RTN3: variants seen among roughly 807,000 people sequenced by gnomAD.
RTN3 encodes reticulon 3.
In RTN3, 49 loss-of-function variants were observed where a neutral mutation model predicts 77.8. The ratio of observed to expected loss-of-function variants is 0.63; its 90% CI spans 0.50 to 0.80. The LOEUF (loss-of-function observed/expected upper bound fraction) is 0.80. Ranked by LOEUF, RTN3 falls within the 30% of genes least tolerant of loss-of-function variation. The pLI is 0.00. For missense variants in RTN3, 1,236 were observed against 1,211.9 expected (o/e 1.02, Z -0.29); for synonymous variants, 464 against 446.9 (o/e 1.04, Z -0.48).
intron 3 of RTN3, among the ~76,000 whole-genome samples, chr11:63,731,542 C>T (rs1016866433): frequency 2.0e-5 from 3 of 152,030 alleles, no homozygotes; most frequent in Non-Finnish European, 2.9e-5. Flanking sequence ...AAGAAGAAAT[C>T]ACAAGAAAAA....
At chr11:63,751,835 T>C (rs994581036) in intron 4 of RTN3, among the ~76,000 whole-genome samples, 7 of 152,092 alleles carry the variant, frequency 4.6e-5, no homozygotes, top group African/African-American at 1.4e-4. Context: ...TTACTAAAAA[T>C]ATGAAAATTA....
chr11:63,701,916 C>T (rs1298881379), intron 1 of RTN3, among the ~76,000 whole-genome samples: 2 of 152,070 alleles, frequency 1.3e-5, no homozygotes, highest in East Asian at 3.8e-4. Context: ...GTGCACTGGG[C>T]AGCAGAGTGA....
In RTN3 at chr11:63,702,039, A is replaced by G. The variant is rs556666341; in HGVS notation, c.143-2812A>G. Among the ~76,000 whole-genome samples, 14 of 152,318 alleles carry G rather than the reference A, an allele frequency of 9.2e-5. No homozygotes were observed. In the South Asian group the frequency reaches 2.7e-3, roughly 29 times the overall value. On this transcript the variant is annotated intron_variant, in intron 1 of 8. Transcript: ENST00000377819. ...AAAGCAGCTTTATATTTGAAACTAA[A>G]TAGTTTTCATGAATTAGTACTTATA...
intron 3 of RTN3, among the ~76,000 whole-genome samples, chr11:63,732,072 AAAAG>A (rs1383137822): frequency 6.6e-6 from 1 of 152,234 alleles, no homozygotes; most frequent in African/African-American, 2.4e-5. Flanking sequence ...GAAAGAAAAA[AAAAG>A]AGCTGAAATC....
intron 3 of RTN3, among the ~76,000 whole-genome samples, chr11:63,738,647 AAAG>A (rs1018786124): frequency 2.6e-5 from 4 of 151,410 alleles, no homozygotes; most frequent in African/African-American, 4.8e-5. Context: ...AAAAAAAAAA[AAAG>A]AAGGTAAAGC....
chr11:63,729,939 G>A (rs1359778502), intron 3 of RTN3, among the ~76,000 whole-genome samples: 2 of 151,514 alleles, frequency 1.3e-5, no homozygotes, highest in Non-Finnish European at 2.9e-5. Flanking sequence ...TATATGCCAC[G>A]ATGCCCAACT....
At chr11:63,704,810 T>G in intron 1 of RTN3, 41 bp from the exon 2 acceptor site, 1 of 1,420,372 alleles carries the variant, frequency 7.0e-7, no homozygotes, top group Non-Finnish European at 9.9e-7. Flanking sequence ...AAAATTCCTG[T>G]GTGAGGTTGT....
intron 3 of RTN3, among the ~76,000 whole-genome samples, chr11:63,723,159 G>A (rs1423656226): frequency 1.3e-5 from 2 of 152,142 alleles, no homozygotes; most frequent in Non-Finnish European, 2.9e-5. Flanking sequence ...AAGGGCTATG[G>A]AAGTTCAGGA....
At chr11:63,705,924 G>C (rs772967059) in intron 2 of RTN3, among the ~76,000 whole-genome samples, 1 of 152,124 alleles carries the variant, frequency 6.6e-6, no homozygotes, top group Admixed American at 6.6e-5. Flanking sequence ...TATTTCATTC[G>C]TGCTGTTTTT....
At chr11:63,681,816 G>A (rs1941067009) in intron 1 of RTN3, 38 bp downstream of exon 1, 1 of 1,500,474 alleles carries the variant, frequency 6.7e-7, no homozygotes, top group Non-Finnish European at 8.8e-7. Context: ...GGGAAAGAGG[G>A]CGAGCGGGAG....
chr11:63,746,976 C>T, intron 3 of RTN3: 1 of 456,092 alleles, frequency 2.2e-6, no homozygotes, highest in Non-Finnish European at 4.4e-6. Flanking sequence ...CTTTGTGCCT[C>T]ATCCTGTCTC....
At chr11:63,701,377 A>G (rs911789925) in intron 1 of RTN3, among the ~76,000 whole-genome samples, 4 of 152,202 alleles carry the variant, frequency 2.6e-5, no homozygotes, top group Admixed American at 2.0e-4. Flanking sequence ...ATTCTAGAAT[A>G]TCTTTTAACA....
In RTN3 at chr11:63,719,130, G is replaced by A; in HGVS notation, c.628G>A (p.Ala210Thr). The change falls in exon 3 of 9, where the codon GCC (alanine) becomes ACC (threonine). Residue 210 changes from alanine (A) to threonine (T), a missense_variant. Transcript: ENST00000377819. ...TGATGACAGATTCACTTTGCTGACA[G>A]CCCAGAAACCACCTACTGAGTACTC... ...DADDRFTLLT[A>T]QKPPTEYSKV... The A allele has an allele frequency of 6.2e-7, 1 of 1,614,156 alleles. No homozygotes were observed. Among genetic ancestry groups the A allele is most frequent in the Non-Finnish European group, 8.5e-7 (1 of 1,180,034 alleles).
In RTN3 at chr11:63,719,780, T is replaced by G. The variant is rs773518351; in HGVS notation, c.1278T>G (p.Asn426Lys). 25 of 1,614,050 alleles carry G rather than the reference T, an allele frequency of 1.5e-5. No homozygotes were observed. Among genetic ancestry groups the G allele is most frequent in the Non-Finnish European group, 2.0e-5 (24 of 1,180,044 alleles). ...GAAAACCTGTACCTGACTCTTTGAA[T>G]TCCACAAAAGAATTCAGTATCAAAG... ...ITGKPVPDSL[N>K]STKEFSIKGV... Residue 426 changes from asparagine to lysine, a missense_variant, in exon 3 of 9, where the codon AAT (asparagine) becomes AAG (lysine). By Grantham distance (94) the Asn-to-Lys change is moderately conservative (BLOSUM62 0). This residue lies in a region of RTN3 where 1,056 missense variants were observed against 990.4 expected (regional missense o/e 1.07). Coordinates refer to ENST00000377819, the MANE Select transcript of RTN3 (RefSeq NM_001265589.2).
intron 2 of RTN3, among the ~76,000 whole-genome samples, chr11:63,710,362 T>TA (rs945662540): frequency 1.3e-5 from 2 of 152,130 alleles, no homozygotes; most frequent in East Asian, 1.9e-4. Flanking sequence ...TTTTTTTTTT[T>TA]ATCATGTTAC....
chr11:63,724,864 G>C (rs996207156), intron 3 of RTN3, among the ~76,000 whole-genome samples: 1 of 151,716 alleles, frequency 6.6e-6, no homozygotes, highest in Non-Finnish European at 1.5e-5. Flanking sequence ...TATGATAGTG[G>C]CAGATATCTC....
intron 2 of RTN3, among the ~76,000 whole-genome samples, chr11:63,707,414 C>T (rs1942549373): frequency 6.6e-6 from 1 of 152,150 alleles, no homozygotes; most frequent in Admixed American, 6.6e-5. Flanking sequence ...TTTTAATAGG[C>T]TTCAGTTTCA....
intron 1 of RTN3, among the ~76,000 whole-genome samples, chr11:63,702,428 C>T (rs892326147): frequency 2.6e-5 from 4 of 151,110 alleles, no homozygotes; most frequent in Non-Finnish European, 4.4e-5. Context: ...GATTCTCCTG[C>T]CTCAGCCTTC....
intron 1 of RTN3, among the ~76,000 whole-genome samples, chr11:63,699,589 C>T (rs1441175284): frequency 1.3e-5 from 2 of 152,192 alleles, no homozygotes; most frequent in African/African-American, 4.8e-5. Flanking sequence ...TAAAAACCTT[C>T]AGTGATTCCT....
Sources: gnomAD v4.1 joint callset for allele counts (sites outside exome capture counted in the v4.1 genomes callset) on GRCh38, gnomAD v4.1.1 for gene constraint, gnomAD v4.1.1 regional missense constraint, MANE v1.5 for transcripts, NCBI Gene and HGNC (gene_info 2026-07-23, HGNC 2026-07-21) for gene names.